Variants in CLDN10 observed in about 807,000 individuals in gnomAD.
CLDN10 encodes claudin-10.
In CLDN10, 15 loss-of-function variants were observed where a neutral mutation model predicts 22.9. The observed-to-expected ratio is 0.65, with a 90% confidence interval of 0.44 to 1.01. CLDN10 has a LOEUF of 1.01. Ranked by LOEUF, CLDN10 falls within the 50% of genes least tolerant of loss-of-function variation. The pLI is 0.00. For synonymous variants in CLDN10, 114 were observed against 111.4 expected, an observed-to-expected ratio of 1.02 and a Z score of -0.15; for missense variants, 247 against 287.8, an observed-to-expected ratio of 0.86 and a Z score of 1.03.
chr13:95,443,708 G>T (rs1392045776), intron 1 of CLDN10, among the ~76,000 whole-genome samples: 1 of 152,162 alleles, frequency 6.6e-6, no homozygotes, highest in Non-Finnish European at 1.5e-5. Flanking sequence ...GGGTGATTAG[G>T]GCAGGGAAAT....
intron 1 of CLDN10, among the ~76,000 whole-genome samples, chr13:95,546,010 G>A (rs1220387312): frequency 1.3e-5 from 2 of 152,214 alleles, no homozygotes; most frequent in East Asian, 3.8e-4. Context: ...CAGTGAGTGA[G>A]CCTTGCTCAG....
At chr13:95,557,139 G>C (rs1240431762) in intron 1 of CLDN10, among the ~76,000 whole-genome samples, 1 of 152,206 alleles carries the variant, frequency 6.6e-6, no homozygotes, top group Non-Finnish European at 1.5e-5. Flanking sequence ...TCTCCCAGGA[G>C]AACTAACTAT....
At chr13:95,534,372 G>A (rs1314285417) in intron 1 of CLDN10, among the ~76,000 whole-genome samples, 1 of 152,036 alleles carries the variant, frequency 6.6e-6, no homozygotes, top group Non-Finnish European at 1.5e-5. Context: ...ATCAAAAGAG[G>A]AAAAATATTT....
At chr13:95,490,632 G>A (rs7984234) in intron 1 of CLDN10, among the ~76,000 whole-genome samples, 64,302 of 152,060 alleles carry the variant, frequency 0.42, 14,704 homozygotes, top group Non-Finnish European at 0.5. Context: ...CTGACAGAGT[G>A]CTTGATATAA....
intron 1 of CLDN10, among the ~76,000 whole-genome samples, chr13:95,473,483 G>T (rs1053879035): frequency 1.3e-5 from 2 of 152,228 alleles, no homozygotes; most frequent in African/African-American, 2.4e-5. Context: ...GAGGATGGGG[G>T]GCCAGGGAAC....
intron 1 of CLDN10, among the ~76,000 whole-genome samples, chr13:95,520,137 C>T (rs2043210057): frequency 6.6e-6 from 1 of 152,152 alleles, no homozygotes. Context: ...ACCATATTAA[C>T]CCTAACCCTA....
intron 1 of CLDN10, among the ~76,000 whole-genome samples, chr13:95,554,529 G>A (rs1332813263): frequency 6.6e-6 from 1 of 152,192 alleles, no homozygotes; most frequent in Non-Finnish European, 1.5e-5. Flanking sequence ...GGAGTGAAGA[G>A]GAAGTAGGAA....
At chr13:95,477,632 G>A (rs1490031319) in intron 1 of CLDN10, among the ~76,000 whole-genome samples, 1 of 148,900 alleles carries the variant, frequency 6.7e-6, no homozygotes, top group African/African-American at 2.5e-5. Context: ...GCAAAACAGA[G>A]AACAACTGCA....
intron 1 of CLDN10, among the ~76,000 whole-genome samples, chr13:95,467,530 G>GA (rs1566285069): frequency 4.5e-5 from 3 of 66,654 alleles, no homozygotes; most frequent in Admixed American, 1.2e-4. Context: ...TGTTTTTTTT[G>GA]GGGGGGGCAA....
intron 1 of CLDN10, among the ~76,000 whole-genome samples, chr13:95,517,933 C>CAA (rs35780641): frequency 0.093 from 8,690 of 93,884 alleles, 456 homozygotes; most frequent in Non-Finnish European, 0.13. Context: ...AACTCCACCT[C>CAA]AAAAAAAAAA....
intron 1 of CLDN10, among the ~76,000 whole-genome samples, chr13:95,557,705 C>T (rs2389264): frequency 0.013 from 2,022 of 152,300 alleles, 93 homozygotes; most frequent in Admixed American, 0.09. Context: ...GCCCACTTCT[C>T]CTCTCATGCT....
chr13:95,433,907 C>T, exon 1 of CLDN10: 1 of 1,614,178 alleles, frequency 6.2e-7, no homozygotes, highest in South Asian at 1.1e-5. Context: ...GCTACCACGT[C>T]CAATGAGTGG....
intron 1 of CLDN10, among the ~76,000 whole-genome samples, chr13:95,441,521 A>G (rs1014376311): frequency 2.0e-5 from 3 of 152,170 alleles, no homozygotes; most frequent in Non-Finnish European, 4.4e-5. Context: ...GATTATAAGC[A>G]TGAGCCACCA....
intron 1 of CLDN10, among the ~76,000 whole-genome samples, chr13:95,468,426 T>C (rs544664289): frequency 5.3e-5 from 8 of 152,238 alleles, no homozygotes; most frequent in African/African-American, 1.9e-4. Context: ...AGAAATGGTA[T>C]TTAGAGTGCA....
chr13:95,546,010 G>C (rs1220387312), intron 1 of CLDN10, among the ~76,000 whole-genome samples: 1 of 152,214 alleles, frequency 6.6e-6, no homozygotes, highest in South Asian at 2.1e-4. Flanking sequence ...CAGTGAGTGA[G>C]CCTTGCTCAG....
intron 1 of CLDN10, among the ~76,000 whole-genome samples, chr13:95,448,687 A>G (rs1486243805): frequency 1.3e-5 from 2 of 149,246 alleles, no homozygotes; most frequent in African/African-American, 2.4e-5. Context: ...GTGACGTTCC[A>G]TCACATCATC....
intron 1 of CLDN10, among the ~76,000 whole-genome samples, chr13:95,447,576 T>C (rs2042392869): frequency 6.6e-6 from 1 of 152,208 alleles, no homozygotes; most frequent in Admixed American, 6.5e-5. Context: ...CATTATGTTC[T>C]GGACGCTATT....
upstream of CLDN10, among the ~76,000 whole-genome samples, chr13:95,548,580 G>A (rs895314211): frequency 2.0e-5 from 3 of 152,122 alleles, no homozygotes; most frequent in Non-Finnish European, 2.9e-5. Context: ...TAGCTTTCAT[G>A]CTAAGTAGAT....
intron 1 of CLDN10, among the ~76,000 whole-genome samples, chr13:95,521,688 C>T (rs1268462446): frequency 6.6e-6 from 1 of 151,974 alleles, no homozygotes; most frequent in Admixed American, 6.6e-5. Flanking sequence ...TCAAAATATA[C>T]CAGCTTCATA....
Sources: allele counts gnomAD v4.1 joint callset (sites outside exome capture counted in the v4.1 genomes callset), GRCh38; gene constraint gnomAD v4.1.1; transcripts MANE v1.5; gene names NCBI Gene and HGNC (gene_info 2026-07-23, HGNC 2026-07-21).